ARSJ: variants seen among roughly 807,000 people sequenced by gnomAD.
The protein encoded by ARSJ is arylsulfatase family member J, also known as arylsulfatase J.
In ARSJ, 26 loss-of-function variants were observed where a neutral mutation model predicts 35.9. The ratio of observed to expected loss-of-function variants is 0.72; its 90% CI spans 0.53 to 1.00. The LOEUF (loss-of-function observed/expected upper bound fraction) is 1.00, where lower values mean the gene tolerates loss of function less well. ARSJ is among the 50% of genes least tolerant of loss of function. The pLI, the probability that ARSJ is intolerant of heterozygous loss-of-function variation, is 0.00. For synonymous variants in ARSJ, 294 were observed against 267.6 expected (o/e 1.10, Z -0.96); for missense variants, 667 against 723.6 (o/e 0.92, Z 0.90).
chr4:113,978,300 C>A (rs1257382722), intron 1 of ARSJ, 137 bp downstream of exon 1: 1 of 817,438 alleles, frequency 1.2e-6, no homozygotes, highest in Non-Finnish European at 1.9e-6. Flanking sequence ...TACCCCAATA[C>A]CATACATCAT....
chr4:113,931,412 G>A (rs1724440877), intron 1 of ARSJ, among the ~76,000 whole-genome samples: 1 of 152,064 alleles, frequency 6.6e-6, no homozygotes, highest in Non-Finnish European at 1.5e-5. Context: ...GGGTACAGAA[G>A]AAGGAGGTTA....
intron 1 of ARSJ, among the ~76,000 whole-genome samples, chr4:113,961,646 G>T (rs949938292): frequency 6.6e-6 from 1 of 152,084 alleles, no homozygotes; most frequent in Non-Finnish European, 1.5e-5. Context: ...ATGTGGAAAA[G>T]TTGTAATAAA....
At chr4:113,917,709 T>C (rs1723404117) in intron 1 of ARSJ, among the ~76,000 whole-genome samples, 1 of 152,180 alleles carries the variant, frequency 6.6e-6, no homozygotes, top group South Asian at 2.1e-4. Context: ...TCAATATGAT[T>C]CTTCAATATG....
intron 1 of ARSJ, among the ~76,000 whole-genome samples, chr4:113,907,089 ACT>A (rs2099668980): frequency 6.6e-6 from 1 of 152,134 alleles, no homozygotes; most frequent in Admixed American, 6.6e-5. Context: ...AGTCCGATGC[ACT>A]CTCTGTTCTT....
chr4:113,960,312 A>C (rs377125362), intron 1 of ARSJ, among the ~76,000 whole-genome samples: 30 of 152,030 alleles, frequency 2.0e-4, no homozygotes, highest in African/African-American at 6.8e-4. Flanking sequence ...TTTCCTCACT[A>C]CTGGGCTATT....
chr4:113,903,567 A>C lies in ARSJ; in HGVS notation c.507T>G (p.Tyr169Ter). The change falls in exon 2 of 2, where the codon TAT becomes TAG. Residue 169 changes from tyrosine to a stop codon, truncating the protein, a stop_gained. Transcript: ENST00000315366. LOFTEE classifies it high-confidence loss of function. ...GCCATTTTCCGACCATATGCGTTGAATATCCAACCTCCTTCAGTTTCTGAG... is the reference window on the plus strand; with the variant it reads ...GCCATTTTCCGACCATATGCGTTGACTATCCAACCTCCTTCAGTTTCTGAG... ...TLPQKLKEVG[Y>*]STHMVGKWHL... 2 of 1,614,236 alleles carry C rather than the reference A, an allele frequency of 1.2e-6. No individual in the cohort carries two copies. Among genetic ancestry groups the C allele is most frequent in the African/African-American group, 2.7e-5 (2 of 75,068 alleles).
chr4:113,926,173 T>C (rs760143705), intron 1 of ARSJ, among the ~76,000 whole-genome samples: 7 of 151,846 alleles, frequency 4.6e-5, no homozygotes, highest in Non-Finnish European at 8.8e-5. Context: ...TTTTGACCAC[T>C]CAAAGAAGTC....
chr4:113,926,131 G>A (rs765996659), intron 1 of ARSJ, among the ~76,000 whole-genome samples: 2 of 152,140 alleles, frequency 1.3e-5, no homozygotes, highest in Non-Finnish European at 2.9e-5. Context: ...CTATTGGTGA[G>A]CACTCACATG....
In ARSJ at chr4:113,900,677, C is replaced by T. The variant is rs1361195643; in HGVS notation, c.*1597G>A. ...ATAATTCTAGCTATCTGTGACTTTT[C>T]AAGTGTATACTGTAAGCTTCAAGGC... is the stretch of plus-strand genomic sequence containing the variant. On this transcript the variant is annotated 3_prime_UTR_variant, in exon 2 of 2. Transcript: ENST00000315366. The T allele has an allele frequency of 1.3e-5, 2 of 152,170 alleles. No homozygotes were observed. The highest frequency in any genetic ancestry group is 4.8e-5 in the African/African-American group (2 of 41,446). The allele number at this position is 152,170 out of a possible 1,614,324, so 9.4% of individuals were successfully genotyped here. A position where few individuals can be genotyped will look rare whatever the true frequency, so the allele number is the denominator to read the frequency against.
intron 1 of ARSJ, among the ~76,000 whole-genome samples, chr4:113,963,126 A>C (rs1489710704): frequency 6.6e-6 from 1 of 151,972 alleles, no homozygotes; most frequent in African/African-American, 2.4e-5. Context: ...TTCCTGCCTT[A>C]TCTTCTTTCT....
intron 1 of ARSJ, among the ~76,000 whole-genome samples, chr4:113,958,271 C>T (rs1726314963): frequency 6.6e-6 from 1 of 151,950 alleles, no homozygotes; most frequent in African/African-American, 2.4e-5. Context: ...AAAAAATCAG[C>T]CTCCTTATTA....
rs545117951 is a variant in ARSJ at position 113,939,874 on chromosome 4, C to T, written c.399-36199G>A. On this transcript the variant is annotated intron_variant, in intron 1 of 1. Coordinates refer to ENST00000315366, the MANE Select transcript of ARSJ (RefSeq NM_024590.4). ...AATTTTCTCCCATTTTGTAGGTTGC[C>T]TGTTCACTCTGATGGTAGTTTCTTT... Among the ~76,000 whole-genome samples the T allele has an allele frequency of 4.6e-5, 7 of 152,092 alleles. No individual in the cohort carries two copies. The South Asian group carries it at 8.3e-4, about 18-fold the overall frequency.
intron 1 of ARSJ, among the ~76,000 whole-genome samples, chr4:113,911,909 A>T (rs78469340): frequency 1.1e-4 from 17 of 152,308 alleles, no homozygotes; most frequent in African/African-American, 4.1e-4. Flanking sequence ...TGGCTAGCCC[A>T]TTATATCATG....
At chr4:113,936,829 A>T (rs1724797839) in intron 1 of ARSJ, among the ~76,000 whole-genome samples, 2 of 151,930 alleles carry the variant, frequency 1.3e-5, no homozygotes, top group Non-Finnish European at 2.9e-5. Context: ...CATTAAAAAA[A>T]TCACCTCTGA....
chr4:113,939,379 A>G (rs1724994031), intron 1 of ARSJ, among the ~76,000 whole-genome samples: 1 of 151,208 alleles, frequency 6.6e-6, no homozygotes, highest in African/African-American at 2.4e-5. Context: ...ATACGTGTGC[A>G]TGTGTCTTTA....
Position 113,979,647 on chromosome 4 carries a change from T to C in ARSJ, c.-813A>G, listed in dbSNP as rs1386234699. ...CGCACCCGGCGCAGGCGCTGCAAAC[T>C]GCGTGCGTTTTCTCAGCTAACTTAT... is the stretch of plus-strand genomic sequence containing the variant. On this transcript the variant is annotated 5_prime_UTR_variant, in exon 1 of 2. Transcript: ENST00000315366. 1 of 152,382 alleles carries C rather than the reference T, an allele frequency of 6.6e-6. No individual in the cohort carries two copies. Among genetic ancestry groups the C allele is most frequent in the Non-Finnish European group, 1.5e-5 (1 of 68,124 alleles). 9.4% of individuals were successfully genotyped at this position (152,382 alleles called of 1,614,324 possible).
chr4:113,915,848 C>A (rs1489235108), intron 1 of ARSJ, among the ~76,000 whole-genome samples: 3 of 152,158 alleles, frequency 2.0e-5, no homozygotes, highest in African/African-American at 7.2e-5. Context: ...CAATAGAGAT[C>A]ATATTTTTGT....
At chr4:113,945,971 C>T (rs549845265) in intron 1 of ARSJ, among the ~76,000 whole-genome samples, 2 of 151,784 alleles carry the variant, frequency 1.3e-5, no homozygotes, top group East Asian at 2.0e-4. Context: ...TCTAGGAAAG[C>T]AATTTCTCAT....
Position 113,903,646 on chromosome 4 carries a change from G to A in ARSJ, c.428C>T (p.Ser143Phe). 1 of 1,613,424 alleles carries A rather than the reference G, an allele frequency of 6.2e-7. No individual in the cohort carries two copies. Among genetic ancestry groups the A allele is most frequent in the East Asian group, 2.2e-5 (1 of 44,878 alleles). ...KYQIHTGLQHSIIRPTQPNCL... is the reference protein window; with the variant it reads ...KYQIHTGLQHFIIRPTQPNCL... The stretch of plus-strand genomic sequence containing the variant: ...GTTGGGTTGGGTAGGTCTTATGATA[G>A]AATGTTGAAGTCCGGTGTGTATCTG... The change falls in exon 2 of 2, where the codon TCT (serine) becomes TTT (phenylalanine). Residue 143 changes from serine (S) to phenylalanine (F), a missense_variant. Transcript: ENST00000315366.
Sources: allele counts gnomAD v4.1 joint callset (sites outside exome capture counted in the v4.1 genomes callset), GRCh38; gene constraint gnomAD v4.1.1; transcripts MANE v1.5; gene names NCBI Gene and HGNC (gene_info 2026-07-23, HGNC 2026-07-21).